The following ADGRG2 variants were observed in gnomAD, a reference collection of about 807,000 sequenced individuals.
ADGRG2 encodes adhesion G protein-coupled receptor G2, also known as G protein-coupled receptor 64.
A neutral mutation model predicts 74.1 loss-of-function variants in ADGRG2; 26 were observed. The observed-to-expected ratio is 0.35, with a 90% CI of 0.26 to 0.49. The LOEUF is 0.49. Ranked by LOEUF, ADGRG2 falls within the 20% of genes least tolerant of loss-of-function variation. ADGRG2 has a pLI of 0.99. For synonymous variants in ADGRG2, 296 were observed against 295.2 expected (o/e 1.00, Z -0.03); for missense variants, 619 against 763.1 (o/e 0.81, Z 2.22).
chrX:19,084,228 C>T (rs2061901189), intron 1 of ADGRG2, among the ~76,000 whole-genome samples: 1 of 109,278 alleles, frequency 9.2e-6, no homozygotes, highest in Non-Finnish European at 1.9e-5. Context: ...CACATATTCT[C>T]ACTTATAAGT....
intron 3 of ADGRG2, among the ~76,000 whole-genome samples, chrX:19,050,086 C>T (rs1231566648): frequency 2.7e-5 from 3 of 111,578 alleles, no homozygotes; most frequent in Non-Finnish European, 5.6e-5. Context: ...AAGATCAAGA[C>T]TGGAGTGCAA....
chrX:19,118,382 T>C (rs968648898), intron 1 of ADGRG2, among the ~76,000 whole-genome samples: 2 of 112,057 alleles, frequency 1.8e-5, no homozygotes, highest in African/African-American at 6.5e-5. Flanking sequence ...CAATTTCTTT[T>C]TGTTTTTGTT....
intron 1 of ADGRG2, among the ~76,000 whole-genome samples, chrX:19,107,312 T>C (rs2062318660): frequency 8.9e-6 from 1 of 112,564 alleles, no homozygotes; most frequent in South Asian, 3.7e-4. Context: ...TTTCCCTGCC[T>C]AAAAATTTGT....
intron 14 of ADGRG2, among the ~76,000 whole-genome samples, chrX:19,020,127 C>T (rs745939252): frequency 1.8e-5 from 2 of 111,362 alleles, no homozygotes; most frequent in Non-Finnish European, 3.8e-5. Context: ...ATTTCAGTTA[C>T]GCAGGAGGAA....
chrX:19,017,875 AAAAC>A (rs1357059170), intron 15 of ADGRG2, among the ~76,000 whole-genome samples: 170 of 111,562 alleles, frequency 1.5e-3, no homozygotes, highest in African/African-American at 5.0e-3. Context: ...GTAAAAAAAA[AAAAC>A]AAACAAAACT....
chrX:19,018,373 TGG>T (rs2060513108), intron 15 of ADGRG2, among the ~76,000 whole-genome samples: 7 of 110,853 alleles, frequency 6.3e-5, no homozygotes, highest in Non-Finnish European at 1.3e-4. Context: ...TTCTCCTACC[TGG>T]GCCTTCCAAA....
At chrX:19,067,071 C>G (rs1002567388) in intron 3 of ADGRG2, among the ~76,000 whole-genome samples, 1 of 111,910 alleles carries the variant, frequency 8.9e-6, no homozygotes, top group African/African-American at 3.3e-5. Flanking sequence ...ATTCACACTT[C>G]AGCTATGACA....
In ADGRG2 at chrX:18,990,274, T is replaced by G. The variant is rs761788096; in HGVS notation, c.*590A>C. 2.7e-5 allele frequency: 3 copies of G among 113,072 alleles called. No individual in the cohort carries two copies. In the South Asian group the frequency reaches 1.1e-3, roughly 41 times the overall value. The allele number at this position is 113,072 out of a possible 1,213,427, so 9.3% of individuals were successfully genotyped here. ...ATTATTTCTTGATTTCACTGAGGTT[T>G]CTGTATTTCACATCCTATATCATCT... On this transcript the variant is annotated 3_prime_UTR_variant, in exon 29 of 29. Transcript: ENST00000379869.
chrX:19,006,783 G>C (rs1440919008), intron 20 of ADGRG2, among the ~76,000 whole-genome samples: 1 of 90,605 alleles, frequency 1.1e-5, no homozygotes, highest in East Asian at 3.2e-4. Context: ...TTTTGAGACA[G>C]GGTCTCACTT....
intron 3 of ADGRG2, among the ~76,000 whole-genome samples, chrX:19,048,888 T>C (rs73445661): frequency 0.061 from 6,795 of 112,120 alleles, 236 homozygotes; most frequent in African/African-American, 0.13. Context: ...GCTTAGCGCT[T>C]TGGGAGTGGG....
intron 2 of ADGRG2, among the ~76,000 whole-genome samples, chrX:19,082,259 C>T (rs1403728924): frequency 9.0e-6 from 1 of 110,663 alleles, no homozygotes; most frequent in African/African-American, 3.3e-5. Context: ...AGAGAGAGAA[C>T]AAACACTTCC....
chrX:19,050,350 A>G (rs1160489714), intron 3 of ADGRG2, among the ~76,000 whole-genome samples: 1 of 110,783 alleles, frequency 9.0e-6, no homozygotes, highest in Non-Finnish European at 1.9e-5. Flanking sequence ...TCTTCCTGTG[A>G]CAGCTGAGCA....
intron 3 of ADGRG2, among the ~76,000 whole-genome samples, chrX:19,059,071 T>C (rs2061445753): frequency 9.0e-6 from 1 of 111,447 alleles, no homozygotes; most frequent in Non-Finnish European, 1.9e-5. Flanking sequence ...TAATCCCAGC[T>C]ACTCGGGAGG....
chrX:19,060,999 A>C (rs756379704), intron 3 of ADGRG2, among the ~76,000 whole-genome samples: 2 of 112,104 alleles, frequency 1.8e-5, no homozygotes, highest in East Asian at 5.6e-4. Flanking sequence ...CAATGAATGA[A>C]GAATCTGAAG....
At chrX:19,002,532 C>T (rs988292089) in intron 24 of ADGRG2, among the ~76,000 whole-genome samples, 1 of 111,963 alleles carries the variant, frequency 8.9e-6, no homozygotes, top group Non-Finnish European at 1.9e-5. Flanking sequence ...TATATTACCA[C>T]CCCAAGCTAA....
In ADGRG2 at chrX:19,033,723, T is replaced by C. The variant is rs1033476153; in HGVS notation, c.263-69A>G. On this transcript the variant is annotated intron_variant, in intron 7 of 28. Transcript: ENST00000379869. ...TTTTTTAAAAACAATTTGCCATGAG[T>C]ATCATTTTAGTGAAGTGCTAAAAAA... 16 of 512,514 alleles carry C rather than the reference T, an allele frequency of 3.1e-5. No individual in the cohort carries two copies. In the African/African-American group the frequency reaches 3.2e-4, roughly 10 times the overall value. The allele number at this position is 512,514 out of a possible 1,213,427, so 42.2% of individuals were successfully genotyped here.
Position 19,068,839 on chromosome X carries a change from G to A in ADGRG2, c.-1-4C>T. ...CTGCCTGACAGAGAAAACCATCCTG[G>A]AATAAAGTAAGGAGAAGACAGATCA... On this transcript the variant is annotated splice_polypyrimidine_tract_variant and splice_region_variant and intron_variant, in intron 2 of 28. Coordinates refer to ENST00000379869, the MANE Select transcript of ADGRG2 (RefSeq NM_001079858.3). 1 of 958,236 alleles carries A rather than the reference G, an allele frequency of 1.0e-6. No homozygotes were observed. Among genetic ancestry groups the A allele is most frequent in the Non-Finnish European group, 1.5e-6 (1 of 675,127 alleles). The allele number at this position is 958,236 out of a possible 1,213,427, so 79.0% of individuals were successfully genotyped here. A position where few individuals can be genotyped will look rare whatever the true frequency, so the allele number is the denominator to read the frequency against.
intron 1 of ADGRG2, among the ~76,000 whole-genome samples, chrX:19,119,154 C>T (rs1228324362): frequency 8.9e-6 from 1 of 112,027 alleles, no homozygotes; most frequent in African/African-American, 3.2e-5. Flanking sequence ...ACTTCTAGAA[C>T]TGTACACTGA....
chrX:19,116,821 C>A (rs1335797953), intron 1 of ADGRG2, among the ~76,000 whole-genome samples: 3 of 111,374 alleles, frequency 2.7e-5, no homozygotes, highest in Non-Finnish European at 5.7e-5. Flanking sequence ...AACTGTGGGT[C>A]AAAAAATCAA....
Sources: gnomAD v4.1 joint callset for allele counts (sites outside exome capture counted in the v4.1 genomes callset) on GRCh38, gnomAD v4.1.1 for gene constraint, MANE v1.5 for transcripts, NCBI Gene and HGNC (gene_info 2026-07-23, HGNC 2026-07-21) for gene names.